CCDC170: variants seen among roughly 807,000 people sequenced by gnomAD.
CCDC170 encodes coiled-coil domain-containing protein 170.
In CCDC170, 69 loss-of-function variants were observed where a neutral mutation model predicts 72.6. The ratio of observed to expected loss-of-function variants is 0.95; its 90% confidence interval spans 0.78 to 1.16. The LOEUF (loss-of-function observed/expected upper bound fraction) is 1.16. Ranked by LOEUF, CCDC170 falls within the 50% of genes most tolerant of loss-of-function variation. The probability of loss-of-function intolerance (pLI) is 0.00; values close to 1 mark genes in which losing one functional copy is unlikely to be tolerated. For missense variants in CCDC170, 852 were observed against 832.5 expected, an observed-to-expected ratio of 1.02 and a Z score of -0.29; for synonymous variants, 300 against 303.9, an observed-to-expected ratio of 0.99 and a Z score of 0.13.
At chr6:151,519,204 G>A (rs546042783) in intron 1 of CCDC170, among the ~76,000 whole-genome samples, 4 of 152,180 alleles carry the variant, frequency 2.6e-5, no homozygotes, top group South Asian at 2.1e-4. Flanking sequence ...CTCCCAGAGC[G>A]GCCATTTATG....
chr6:151,606,181 C>T (rs79322414), intron 9 of CCDC170, among the ~76,000 whole-genome samples: 3,902 of 152,242 alleles, frequency 0.026, 172 homozygotes, highest in African/African-American at 0.088. Context: ...GGATTACAGG[C>T]GTGAGCCACT....
At chr6:151,496,492 A>G (rs1225653712) in intron 1 of CCDC170, among the ~76,000 whole-genome samples, 2 of 152,262 alleles carry the variant, frequency 1.3e-5, no homozygotes, top group Non-Finnish European at 2.9e-5. Flanking sequence ...TCAGTTTGCA[A>G]AATACTTTAT....
chr6:151,607,619 T>C (rs1048383174), intron 9 of CCDC170, among the ~76,000 whole-genome samples: 1 of 139,696 alleles, frequency 7.2e-6, no homozygotes, highest in African/African-American at 2.6e-5. Context: ...GGCTGTGTAT[T>C]GTTGATAGGC....
chr6:151,608,138 T>G (rs1231305800), intron 9 of CCDC170, among the ~76,000 whole-genome samples: 2 of 152,212 alleles, frequency 1.3e-5, no homozygotes. Flanking sequence ...TTTAATTTTA[T>G]TAATTGAATT....
intron 1 of CCDC170, among the ~76,000 whole-genome samples, chr6:151,496,859 T>C (rs1301740190): frequency 6.6e-6 from 1 of 152,226 alleles, no homozygotes; most frequent in African/African-American, 2.4e-5. Context: ...TCGCATAACG[T>C]AGTTTGAGGA....
At chr6:151,591,500 AT>A (rs549967360) in intron 7 of CCDC170, among the ~76,000 whole-genome samples, 282 of 147,262 alleles carry the variant, frequency 1.9e-3, no homozygotes, top group Non-Finnish European at 2.8e-3. Context: ...GCATTAAACA[AT>A]TTTTTTTTTT....
At chr6:151,530,133 T>C (rs911471441) in intron 1 of CCDC170, among the ~76,000 whole-genome samples, 1 of 152,150 alleles carries the variant, frequency 6.6e-6, no homozygotes, top group Non-Finnish European at 1.5e-5. Flanking sequence ...TATATTAACA[T>C]TCTTTTATTT....
intron 7 of CCDC170, among the ~76,000 whole-genome samples, chr6:151,586,749 G>A (rs558522898): frequency 6.6e-6 from 1 of 151,948 alleles, no homozygotes; most frequent in South Asian, 2.1e-4. Flanking sequence ...GTAAGTGTGA[G>A]CATTGCAGTA....
intron 5 of CCDC170, among the ~76,000 whole-genome samples, chr6:151,555,827 G>A (rs1782965177): frequency 6.6e-6 from 1 of 152,216 alleles, no homozygotes; most frequent in Non-Finnish European, 1.5e-5. Context: ...AACAGCCTTA[G>A]ATCTTTCAAA....
Position 151,494,199 on chromosome 6 carries a change from C to G in CCDC170, c.57+14C>G. ...CCAGCGCCCGAGGTACGGTCCCAGC[C>G]GCCGGCCGCGCGCGGGGGTGGCCCT... On this transcript the variant is annotated intron_variant, in intron 1 of 10. Coordinates refer to ENST00000239374, the MANE Select transcript of CCDC170 (RefSeq NM_025059.4). 2.0e-6 allele frequency: 3 copies of G among 1,500,406 alleles called. No individual in the cohort carries two copies. The highest frequency in any genetic ancestry group is 8.9e-7 in the Non-Finnish European group (1 of 1,127,814). The allele number at this position is 1,500,406 out of a possible 1,614,324, so 92.9% of individuals were successfully genotyped here.
intron 1 of CCDC170, among the ~76,000 whole-genome samples, chr6:151,520,301 C>T (rs1483692421): frequency 6.6e-6 from 1 of 152,180 alleles, no homozygotes; most frequent in African/African-American, 2.4e-5. Flanking sequence ...GAAATATGGT[C>T]AGTGGGAACT....
chr6:151,522,272 C>T (rs1782331106), intron 1 of CCDC170, among the ~76,000 whole-genome samples: 2 of 152,280 alleles, frequency 1.3e-5, no homozygotes, highest in South Asian at 4.1e-4. Flanking sequence ...ACATCTTCCT[C>T]ATGTTTTTTG....
At chr6:151,582,584 A>G (rs6910761) in intron 6 of CCDC170, among the ~76,000 whole-genome samples, 68,758 of 152,072 alleles carry the variant, frequency 0.45, 18,133 homozygotes, top group Non-Finnish European at 0.6. Context: ...CCATAAAAGA[A>G]TACCTGAGGC....
At chr6:151,605,947 G>T (rs1211759103) in intron 9 of CCDC170, among the ~76,000 whole-genome samples, 2 of 149,936 alleles carry the variant, frequency 1.3e-5, no homozygotes, top group African/African-American at 4.9e-5. Flanking sequence ...TGTTGTCCAG[G>T]CTGGAGTGCA....
At chr6:151,600,010 G>A (rs1583045761) in intron 9 of CCDC170, among the ~76,000 whole-genome samples, 1 of 152,144 alleles carries the variant, frequency 6.6e-6, no homozygotes, top group East Asian at 1.9e-4. Context: ...GAGAGACTTG[G>A]TTTGACTGAC....
At chr6:151,531,828 G>C (rs938148662) in intron 1 of CCDC170, among the ~76,000 whole-genome samples, 3 of 152,134 alleles carry the variant, frequency 2.0e-5, no homozygotes, top group Non-Finnish European at 4.4e-5. Flanking sequence ...CAGAGCAAAA[G>C]GATGAAAAGT....
intron 8 of CCDC170, among the ~76,000 whole-genome samples, chr6:151,593,787 AAG>A (rs1158542013): frequency 2.0e-5 from 3 of 152,222 alleles, no homozygotes; most frequent in African/African-American, 7.2e-5. Flanking sequence ...ATCTTTAAAA[AAG>A]GCACTCAGAA....
intron 1 of CCDC170, among the ~76,000 whole-genome samples, chr6:151,502,736 C>T (rs1782009921): frequency 6.6e-6 from 1 of 152,180 alleles, no homozygotes; most frequent in South Asian, 2.1e-4. Context: ...TTGTATTAGT[C>T]ACCCACTTGA....
chr6:151,534,539 G>T (rs1254599607), intron 1 of CCDC170, among the ~76,000 whole-genome samples: 1 of 152,142 alleles, frequency 6.6e-6, no homozygotes, highest in East Asian at 1.9e-4. Flanking sequence ...ATATGGTGTG[G>T]TGGTCAGGGT....
Sources: gnomAD v4.1 joint callset for allele counts (sites outside exome capture counted in the v4.1 genomes callset) on GRCh38, gnomAD v4.1.1 for gene constraint, MANE v1.5 for transcripts, NCBI Gene and HGNC (gene_info 2026-07-23, HGNC 2026-07-21) for gene names.